Variants in CHL1 observed in about 807,000 individuals in gnomAD.
The protein encoded by CHL1 is neural cell adhesion molecule L1-like protein.
Under a neutral mutation model 141.9 loss-of-function variants are expected in CHL1, and 96 were observed. The ratio of observed to expected loss-of-function variants is 0.68; its 90% CI spans 0.57 to 0.80. The LOEUF (loss-of-function observed/expected upper bound fraction) is 0.80. Among genes scored for constraint, CHL1 ranks in the 30% least tolerant of loss-of-function variants. The probability of loss-of-function intolerance (pLI) is 0.00; values close to 1 mark genes in which losing one functional copy is unlikely to be tolerated. For synonymous variants in CHL1, 613 were observed against 502.2 expected (o/e 1.22, Z -2.95); for missense variants, 1,820 against 1,457.2 (o/e 1.25, Z -4.05).
At chr3:293,206 C>CA (rs938710018) in intron 2 of CHL1, among the ~76,000 whole-genome samples, 19 of 151,968 alleles carry the variant, frequency 1.3e-4, no homozygotes, top group Admixed American at 9.8e-4. Context: ...GAATAAACTA[C>CA]AAAAAAAACT....
chr3:365,587 T>C (rs1704770205), intron 14 of CHL1, among the ~76,000 whole-genome samples: 1 of 152,222 alleles, frequency 6.6e-6, no homozygotes, highest in African/African-American at 2.4e-5. Flanking sequence ...AAATCAAATA[T>C]CTTTCCCTTT....
chr3:245,588 C>T (rs1312743486), intron 2 of CHL1, among the ~76,000 whole-genome samples: 1 of 152,078 alleles, frequency 6.6e-6, no homozygotes, highest in Non-Finnish European at 1.5e-5. Flanking sequence ...CTCAGGAGCA[C>T]ATTATGTCAC....
rs771416258 is a variant in CHL1, at chr3:405,644, G to T, written c.3608G>T (p.Gly1203Val). The change falls in exon 28 of 28, where the codon GGA becomes GTA. Residue 1203 changes from glycine (G) to valine (V), a missense_variant. By Grantham distance (109) the Gly-to-Val change is moderately radical (BLOSUM62 -3). Coordinates refer to ENST00000256509, the MANE Select transcript of CHL1 (RefSeq NM_006614.4). Reference protein sequence around the residue: ...EDGSFIGAYAGSKEKGSVESN... With the variant: ...EDGSFIGAYAVSKEKGSVESN... ...GGATCATTTATTGGTGCCTACGCTG[G>T]ATCTAAGGAGAAGGGATCTGTTGAA... 2 of 1,613,520 alleles carry T rather than the reference G, an allele frequency of 1.2e-6. No individual in the cohort carries two copies. The highest frequency in any genetic ancestry group is 2.2e-5 in the South Asian group (2 of 91,072).
chr3:210,431 A>G (rs1262825641), intron 1 of CHL1, among the ~76,000 whole-genome samples: 2 of 152,180 alleles, frequency 1.3e-5, no homozygotes, highest in Non-Finnish European at 2.9e-5. Flanking sequence ...TGGTGGCCCC[A>G]GGATGGCTTC....
At chr3:349,975 C>T (rs35674131) in intron 10 of CHL1, among the ~76,000 whole-genome samples, 37,304 of 151,912 alleles carry the variant, frequency 0.25, 5,265 homozygotes, top group East Asian at 0.4. Context: ...TTTCACTCTC[C>T]GTACCTCAGG....
chr3:283,230 T>C (rs1210914141), intron 2 of CHL1, among the ~76,000 whole-genome samples: 1 of 152,252 alleles, frequency 6.6e-6, no homozygotes, highest in African/African-American at 2.4e-5. Context: ...TTCACGAATA[T>C]CATTAGCATT....
intron 15 of CHL1, among the ~76,000 whole-genome samples, chr3:369,141 TG>T (rs1705289486): frequency 6.6e-6 from 1 of 152,138 alleles, no homozygotes; most frequent in Non-Finnish European, 1.5e-5. Flanking sequence ...AGAATGTCAA[TG>T]GTAGTTTGAT....
chr3:385,329 C>T (rs1346997351), intron 19 of CHL1, among the ~76,000 whole-genome samples: 1 of 152,106 alleles, frequency 6.6e-6, no homozygotes, highest in East Asian at 1.9e-4. Context: ...ATGATGGTGT[C>T]AGTCTTATAT....
chr3:344,621 C>G lies in CHL1; in HGVS notation c.760C>G (p.Leu254Val). 6.2e-7 allele frequency: 1 copy of G among 1,612,544 alleles called. No individual in the cohort carries two copies. The change falls in exon 9 of 28, where the codon CTG becomes GTG. Residue 254 changes from leucine to valine, a missense_variant. By Grantham distance (32) the Leu-to-Val change is conservative. Coordinates refer to ENST00000256509, the MANE Select transcript of CHL1 (RefSeq NM_006614.4). ...NSIKQRKPKL[L>V]LPPTESGSES... Reference sequence around the variant, plus strand: ...CATCAAGCAAAGAAAACCCAAACTGCTGTTGCCTCCCACTGAGAGTGGCAG... The same window carrying G: ...CATCAAGCAAAGAAAACCCAAACTGGTGTTGCCTCCCACTGAGAGTGGCAG...
chr3:376,065 C>T (rs1056053172), intron 15 of CHL1, among the ~76,000 whole-genome samples: 18 of 152,058 alleles, frequency 1.2e-4, no homozygotes, highest in African/African-American at 2.4e-4. Context: ...GATTGGGGCA[C>T]GAAGATGTGA....
At chr3:216,563 A>C (rs1178738974) in intron 1 of CHL1, among the ~76,000 whole-genome samples, 1 of 152,234 alleles carries the variant, frequency 6.6e-6, no homozygotes, top group East Asian at 1.9e-4. Context: ...GTCTGTGCTT[A>C]CAGATGTCTT....
At chr3:303,471 C>A (rs1036067025) in intron 2 of CHL1, among the ~76,000 whole-genome samples, 2 of 152,078 alleles carry the variant, frequency 1.3e-5, no homozygotes, top group African/African-American at 4.8e-5. Flanking sequence ...AAGTTGTATT[C>A]CTAGGCATTT....
At chr3:309,955 C>G (rs752238509) in intron 2 of CHL1, among the ~76,000 whole-genome samples, 2 of 152,002 alleles carry the variant, frequency 1.3e-5, no homozygotes, top group African/African-American at 2.4e-5. Context: ...CAATGAGAGT[C>G]ATTTTTCTAT....
chr3:334,200 A>C (rs1192022763), intron 5 of CHL1, among the ~76,000 whole-genome samples: 1 of 152,058 alleles, frequency 6.6e-6, no homozygotes, highest in Non-Finnish European at 1.5e-5. Flanking sequence ...GTTTTTATAC[A>C]TTATTTATTT....
chr3:365,215 G>C (rs4105569), intron 14 of CHL1, among the ~76,000 whole-genome samples: 1 of 152,122 alleles, frequency 6.6e-6, no homozygotes, highest in Admixed American at 6.5e-5. Flanking sequence ...ACTTTTAATA[G>C]GGCATTAAAG....
At chr3:338,054 C>T (rs1006936886) in intron 5 of CHL1, among the ~76,000 whole-genome samples, 28 of 152,202 alleles carry the variant, frequency 1.8e-4, no homozygotes, top group Non-Finnish European at 3.2e-4. Flanking sequence ...TTAGTAGAGA[C>T]GGGGTTTCAC....
intron 11 of CHL1, among the ~76,000 whole-genome samples, chr3:355,986 A>G (rs1016649976): frequency 2.0e-5 from 3 of 152,182 alleles, no homozygotes; most frequent in Non-Finnish European, 4.4e-5. Context: ...TTTGTGGATT[A>G]AAGGAAACAT....
At chr3:354,360 A>C (rs907293531) in intron 10 of CHL1, among the ~76,000 whole-genome samples, 1 of 152,026 alleles carries the variant, frequency 6.6e-6, no homozygotes, top group African/African-American at 2.4e-5. Flanking sequence ...TTGTATAGCT[A>C]AATAAAATGG....
At chr3:274,486 T>G (rs1227819831) in intron 2 of CHL1, among the ~76,000 whole-genome samples, 1 of 152,246 alleles carries the variant, frequency 6.6e-6, no homozygotes, top group Non-Finnish European at 1.5e-5. Context: ...CTGTTCAGAT[T>G]AGCTAAATGG....
Sources: gnomAD v4.1 joint callset for allele counts (sites outside exome capture counted in the v4.1 genomes callset) on GRCh38, gnomAD v4.1.1 for gene constraint, MANE v1.5 for transcripts, NCBI Gene and HGNC (gene_info 2026-07-23, HGNC 2026-07-21) for gene names.